SGCD: variants seen among roughly 807,000 people sequenced by gnomAD.
The protein encoded by SGCD is delta-sarcoglycan.
Under a neutral mutation model 36.6 loss-of-function variants are expected in SGCD, and 18 were observed. That is an observed-to-expected ratio of 0.49 (90% CI 0.34 to 0.73). The LOEUF is 0.73. SGCD is among the 30% of genes least tolerant of loss of function. The pLI is 0.01. For synonymous variants in SGCD, 133 were observed against 130.6 expected (o/e 1.02, Z -0.12); for missense variants, 387 against 346.7 (o/e 1.12, Z -0.92).
intron 3 of SGCD, among the ~76,000 whole-genome samples, chr5:156,210,324 A>G (rs1201456505): frequency 3.9e-5 from 6 of 152,174 alleles, no homozygotes. Flanking sequence ...TTCTGGATAA[A>G]GCCGGTGTGT....
chr5:156,579,123 A>C (rs981263554), intron 4 of SGCD, among the ~76,000 whole-genome samples: 4 of 152,054 alleles, frequency 2.6e-5, no homozygotes, highest in African/African-American at 9.7e-5. Context: ...CTTTGTTCTC[A>C]TTGGTTTCAA....
At chr5:156,381,765 A>G (rs760336964) in intron 3 of SGCD, among the ~76,000 whole-genome samples, 5 of 152,164 alleles carry the variant, frequency 3.3e-5, no homozygotes, top group African/African-American at 7.2e-5. Context: ...AGGCAGTAGT[A>G]TGATTGGAAG....
intron 3 of SGCD, chr5:156,458,500 T>C (rs962148794): frequency 3.8e-6 from 6 of 1,598,524 alleles, no homozygotes; most frequent in Non-Finnish European, 5.1e-6. Context: ...GACAAGGGCT[T>C]CGTTAACCTA....
chr5:156,746,116 T>G (rs969094528), intron 7 of SGCD, among the ~76,000 whole-genome samples: 13 of 150,234 alleles, frequency 8.7e-5, no homozygotes, highest in Non-Finnish European at 4.4e-5. Flanking sequence ...CCATCAGAGA[T>G]AAAAAAGGAG....
chr5:156,056,550 C>T (rs1312052383), intron 1 of SGCD, among the ~76,000 whole-genome samples: 1 of 140,496 alleles, frequency 7.1e-6, no homozygotes, highest in Non-Finnish European at 1.6e-5. Flanking sequence ...GAACAGAAGA[C>T]AGCAAGAAGA....
At chr5:156,463,414 G>A (rs1057257458) in intron 3 of SGCD, among the ~76,000 whole-genome samples, 10 of 152,070 alleles carry the variant, frequency 6.6e-5, no homozygotes, top group African/African-American at 2.4e-4. Context: ...GTATAGTCTT[G>A]GCTTTCAAGC....
chr5:155,773,766 T>A, the SGCD span, among the ~76,000 whole-genome samples: 2 of 152,106 alleles, frequency 1.3e-5, no homozygotes, highest in Non-Finnish European at 2.9e-5. Flanking sequence ...TGAAGAGTAT[T>A]TAAGGTTTAG....
chr5:155,736,081 C>G, the SGCD span, among the ~76,000 whole-genome samples: 5 of 152,274 alleles, frequency 3.3e-5, no homozygotes, highest in African/African-American at 1.2e-4. Context: ...ATGGATCAGC[C>G]TAACTACATC....
chr5:156,690,459 GC>G (rs1754066712), intron 7 of SGCD, among the ~76,000 whole-genome samples: 2 of 152,262 alleles, frequency 1.3e-5, no homozygotes, highest in African/African-American at 4.8e-5. Context: ...TATAAGCTAA[GC>G]TTTGGTTTGT....
chr5:156,359,803 A>G (rs898430937), intron 3 of SGCD, among the ~76,000 whole-genome samples: 8 of 152,170 alleles, frequency 5.3e-5, no homozygotes, highest in African/African-American at 1.4e-4. Context: ...TATACCTCCC[A>G]TACAGCTTAC....
At chr5:156,137,408 T>G (rs1379789603) in intron 3 of SGCD, among the ~76,000 whole-genome samples, 1 of 152,202 alleles carries the variant, frequency 6.6e-6, no homozygotes, top group Admixed American at 6.5e-5. Flanking sequence ...ATGGAGAACA[T>G]GTAGAAAAAT....
chr5:156,221,845 A>C (rs1317726164), intron 3 of SGCD, among the ~76,000 whole-genome samples: 3 of 152,060 alleles, frequency 2.0e-5, no homozygotes, highest in Non-Finnish European at 4.4e-5. Context: ...ATACATGAAA[A>C]CTTAAGTTTC....
At chr5:155,853,616 T>C in the SGCD span, among the ~76,000 whole-genome samples, 2 of 152,232 alleles carry the variant, frequency 1.3e-5, no homozygotes, top group Admixed American at 1.3e-4. Flanking sequence ...TGTCATTAGC[T>C]CTTTGATAAT....
At chr5:156,471,959 AAC>A (rs1250937146) in intron 3 of SGCD, among the ~76,000 whole-genome samples, 69 of 149,754 alleles carry the variant, frequency 4.6e-4, no homozygotes, top group African/African-American at 1.7e-3. Flanking sequence ...AAAAGACTTA[AAC>A]ACTGCACAAA....
Position 156,053,359 on chromosome 5 carries a change from G to A in SGCD, c.-281-64519G>A, listed in dbSNP as rs955888533. On this transcript the variant is annotated intron_variant, in intron 1 of 9. Coordinates refer to the SGCD transcript ENST00000517913. ...GTCACTGCTCAGTGACAGGGAAGCC[G>A]AAGGTGAAAAAGGCCCAGGATGAAC... Among the ~76,000 whole-genome samples the A allele has an allele frequency of 8.9e-5, 13 of 146,192 alleles. 1 individual carries two copies. Among genetic ancestry groups the A allele is most frequent in the African/African-American group, 2.5e-4 (10 of 40,722 alleles).
rs182285065 is a variant in SGCD at position 156,704,712 on chromosome 5, G to A, written c.576-52869G>A. ...ATCAAGCAATGACAAGATACAAAAT[G>A]GTATCTTCGTTTTATATTGCTTTAA... On this transcript the variant is annotated intron_variant, in intron 7 of 8. Transcript: ENST00000337851. Among the ~76,000 whole-genome samples, 12 of 152,028 alleles carry A rather than the reference G, an allele frequency of 7.9e-5. No homozygotes were observed. In the East Asian group the frequency reaches 2.1e-3, roughly 27 times the overall value.
intron 1 of SGCD, among the ~76,000 whole-genome samples, chr5:155,883,638 C>T (rs998907755): frequency 1.3e-5 from 2 of 151,778 alleles, no homozygotes; most frequent in African/African-American, 4.8e-5. Context: ...ATCCCGGTCA[C>T]AAGTCACTAT....
At chr5:155,849,860 T>A in the SGCD span, among the ~76,000 whole-genome samples, 1 of 152,204 alleles carries the variant, frequency 6.6e-6, no homozygotes. Flanking sequence ...TACAAAACTA[T>A]TTCCTGATTG....
In SGCD at chr5:155,888,818, G is replaced by A. The variant is rs147187380; in HGVS notation, c.-282+18394G>A. On this transcript the variant is annotated intron_variant, in intron 1 of 9. Transcript: ENST00000517913. ...TTCTTTTTTCCCGAATTTCTTCAGC[G>A]TAAAATATTTTGTAGCAACAGTTTC... Among the ~76,000 whole-genome samples the A allele has an allele frequency of 8.1e-3, 1,230 of 152,198 alleles. 7 individuals carry two copies. Among genetic ancestry groups the A allele is most frequent in the African/African-American group, 0.023 (937 of 41,550 alleles).
Sources: gnomAD v4.1 joint callset for allele counts (sites outside exome capture counted in the v4.1 genomes callset) on GRCh38, gnomAD v4.1.1 for gene constraint, MANE v1.5 for transcripts, NCBI Gene and HGNC (gene_info 2026-07-23, HGNC 2026-07-21) for gene names.